The following GRID1 variants were observed in gnomAD, a reference collection of about 807,000 sequenced individuals.
GRID1 encodes glutamate ionotropic receptor delta type subunit 1.
GRID1 carries 28 observed loss-of-function variants against 98.0 expected under a neutral mutation model. That is an observed-to-expected ratio of 0.29 (90% CI 0.21 to 0.39). The LOEUF (loss-of-function observed/expected upper bound fraction) is 0.39. GRID1 is among the 10% of genes least tolerant of loss of function. The pLI, the probability that GRID1 is intolerant of heterozygous loss-of-function variation, is 1.00. For synonymous variants in GRID1, 553 were observed against 538.5 expected, an observed-to-expected ratio of 1.03 and a Z score of -0.37; for missense variants, 1,111 against 1,340.5, an observed-to-expected ratio of 0.83 and a Z score of 2.67.
chr10:86,355,261 A>G (rs534841850), intron 2 of GRID1, among the ~76,000 whole-genome samples: 89 of 151,918 alleles, frequency 5.9e-4, no homozygotes, highest in African/African-American at 2.0e-3. Flanking sequence ...CAGCCACCAC[A>G]CTCCCGCCTC....
intron 4 of GRID1, among the ~76,000 whole-genome samples, chr10:86,087,029 C>T (rs574198254): frequency 6.6e-6 from 1 of 152,278 alleles, no homozygotes; most frequent in Non-Finnish European, 1.5e-5. Context: ...AATGAACACA[C>T]CTGAGTCTCT....
At chr10:85,754,692 A>C (rs1842079228) in intron 8 of GRID1, among the ~76,000 whole-genome samples, 1 of 152,188 alleles carries the variant, frequency 6.6e-6, no homozygotes, top group South Asian at 2.1e-4. Flanking sequence ...TCCTTGACTT[A>C]CATCCAGTGG....
chr10:85,645,226 A>G lies in GRID1; in HGVS notation c.2193+1976T>C, dbSNP rs540099132. Among the ~76,000 whole-genome samples, 116 of 152,238 alleles carry G rather than the reference A, an allele frequency of 7.6e-4. 1 individual carries two copies. The highest frequency in any genetic ancestry group is 2.8e-3 in the African/African-American group (115 of 41,542). ...CTTCTTAAGACCCTGTGTGGATGACAGTATTGGCTCTCTCTGAGAGTCAAA... is the reference window on the plus strand; with the variant it reads ...CTTCTTAAGACCCTGTGTGGATGACGGTATTGGCTCTCTCTGAGAGTCAAA... On this transcript the variant is annotated intron_variant, in intron 13 of 15. Coordinates refer to ENST00000327946, the MANE Select transcript of GRID1 (RefSeq NM_017551.3).
intron 4 of GRID1, among the ~76,000 whole-genome samples, chr10:85,965,930 C>T (rs1842330884): frequency 6.6e-6 from 1 of 152,138 alleles, no homozygotes; most frequent in African/African-American, 2.4e-5. Flanking sequence ...CCACCACCTC[C>T]TCCCCAGCTC....
At chr10:86,208,078 G>A (rs916860584) in intron 2 of GRID1, among the ~76,000 whole-genome samples, 3 of 152,140 alleles carry the variant, frequency 2.0e-5, no homozygotes, top group African/African-American at 7.2e-5. Flanking sequence ...GAGAGAGAGA[G>A]AAGAAAAGGG....
intron 4 of GRID1, among the ~76,000 whole-genome samples, chr10:85,983,342 A>G (rs779627669): frequency 1.2e-4 from 18 of 152,196 alleles, no homozygotes; most frequent in Non-Finnish European, 2.4e-4. Flanking sequence ...AGTGAGGCAC[A>G]TGTGCAGATT....
At chr10:86,051,663 C>T (rs992353503) in intron 4 of GRID1, among the ~76,000 whole-genome samples, 3 of 152,092 alleles carry the variant, frequency 2.0e-5, no homozygotes, top group African/African-American at 7.2e-5. Flanking sequence ...AAATGAAATA[C>T]AAATAACTCC....
At chr10:86,354,656 A>G (rs556817372) in intron 2 of GRID1, among the ~76,000 whole-genome samples, 2 of 152,332 alleles carry the variant, frequency 1.3e-5, no homozygotes, top group Admixed American at 1.3e-4. Context: ...AACTGAACCC[A>G]CACCTTTCCA....
At chr10:85,924,329 T>C (rs560229594) in intron 4 of GRID1, among the ~76,000 whole-genome samples, 14 of 152,340 alleles carry the variant, frequency 9.2e-5, no homozygotes, top group Admixed American at 7.8e-4. Context: ...CATTGTGCCA[T>C]GCAAAGTTAG....
intron 4 of GRID1, among the ~76,000 whole-genome samples, chr10:86,115,248 CACT>C (rs1457718970): frequency 1.3e-5 from 2 of 152,156 alleles, no homozygotes; most frequent in Non-Finnish European, 2.9e-5. Context: ...CTTTGCATGC[CACT>C]ACTTTCTTTT....
chr10:85,648,515 C>T (rs1296416395), intron 12 of GRID1, among the ~76,000 whole-genome samples: 2 of 152,160 alleles, frequency 1.3e-5, no homozygotes, highest in African/African-American at 2.4e-5. Context: ...CCCTCCCTCT[C>T]TCTGAGTCAC....
chr10:86,233,992 C>T (rs1260325528), intron 2 of GRID1, among the ~76,000 whole-genome samples: 2 of 151,992 alleles, frequency 1.3e-5, no homozygotes, highest in Non-Finnish European at 2.9e-5. Flanking sequence ...CTGGCTGCCT[C>T]CTTGCTGGGT....
At chr10:85,878,017 T>C (rs2079106793) in intron 5 of GRID1, among the ~76,000 whole-genome samples, 2 of 152,162 alleles carry the variant, frequency 1.3e-5, no homozygotes, top group East Asian at 1.9e-4. Context: ...AGAAAGGGTA[T>C]CAGTGATGGA....
intron 12 of GRID1, among the ~76,000 whole-genome samples, chr10:85,668,425 C>A (rs1371951333): frequency 6.6e-6 from 1 of 152,174 alleles, no homozygotes; most frequent in Non-Finnish European, 1.5e-5. Context: ...TGTGCCTATT[C>A]TTGACTCCAA....
intron 4 of GRID1, among the ~76,000 whole-genome samples, chr10:86,039,395 C>A (rs1843315130): frequency 1.3e-5 from 2 of 152,188 alleles, no homozygotes; most frequent in Non-Finnish European, 2.9e-5. Flanking sequence ...GTTTTTCTAG[C>A]CCATGTTAAT....
At chr10:85,642,003 C>T (rs2132546854) in intron 13 of GRID1, among the ~76,000 whole-genome samples, 1 of 152,254 alleles carries the variant, frequency 6.6e-6, no homozygotes, top group South Asian at 2.1e-4. Flanking sequence ...GGATATGCTC[C>T]CTACTAATGG....
At chr10:85,997,556 A>G (rs951585940) in intron 4 of GRID1, among the ~76,000 whole-genome samples, 7 of 152,236 alleles carry the variant, frequency 4.6e-5, no homozygotes, top group African/African-American at 1.7e-4. Context: ...CTCCAAAGCA[A>G]TATTATAAAA....
At chr10:86,126,299 C>CA (rs1311965604) in intron 4 of GRID1, among the ~76,000 whole-genome samples, 2 of 152,082 alleles carry the variant, frequency 1.3e-5, no homozygotes, top group Non-Finnish European at 2.9e-5. Context: ...ACTAAAAATA[C>CA]AAAAAATTAG....
intron 4 of GRID1, among the ~76,000 whole-genome samples, chr10:85,955,991 C>T (rs572955031): frequency 1.3e-5 from 2 of 152,212 alleles, no homozygotes; most frequent in East Asian, 3.9e-4. Context: ...TTGACCCACT[C>T]GAGTCACCTC....
Sources: gnomAD v4.1 joint callset for allele counts (sites outside exome capture counted in the v4.1 genomes callset) on GRCh38, gnomAD v4.1.1 for gene constraint, MANE v1.5 for transcripts, NCBI Gene and HGNC (gene_info 2026-07-23, HGNC 2026-07-21) for gene names.